The following NLRP9 variants were observed in gnomAD, a reference collection of about 807,000 sequenced individuals.
NLRP9 encodes NACHT, LRR and PYD domains-containing protein 9.
NLRP9 carries 88 observed loss-of-function variants against 83.1 expected under a neutral mutation model. That is an observed-to-expected ratio of 1.06 (90% CI 0.89 to 1.26). The LOEUF is 1.26. Among genes scored for constraint, NLRP9 ranks in the 50% most tolerant of loss-of-function variants. The probability of loss-of-function intolerance (pLI) is 0.00; values close to 1 mark genes in which losing one functional copy is unlikely to be tolerated. For missense variants in NLRP9, 1,308 were observed against 1,179.3 expected (o/e 1.11, Z -1.60); for synonymous variants, 521 against 447.6 (o/e 1.16, Z -2.07).
chr19:55,711,318 T>C (rs373010510), intron 8 of NLRP9: 1 of 970,256 alleles, frequency 1.0e-6, no homozygotes, highest in Non-Finnish European at 1.2e-6. Flanking sequence ...AAATTCATCC[T>C]ACAGATTTCA....
At chr19:55,736,975 CA>C (rs1988802134) in intron 1 of NLRP9, among the ~76,000 whole-genome samples, 1 of 151,578 alleles carries the variant, frequency 6.6e-6, no homozygotes, top group Non-Finnish European at 1.5e-5. Context: ...GAAACATGAA[CA>C]AAACAGAAGT....
chr19:55,731,540 A>G lies in NLRP9; in HGVS notation c.1832+459T>C, dbSNP rs193204312. On this transcript the variant is annotated intron_variant, in intron 2 of 8. Transcript: ENST00000332836. ...GGAGTTCAAGACCAGTCTGGCTAAC[A>G]TGGTGAAACCCTGTCTCTACCAAAA... Among the ~76,000 whole-genome samples the G allele has an allele frequency of 4.9e-3, 740 of 152,068 alleles. 5 individuals are homozygous for G. Among genetic ancestry groups the G allele is most frequent in the African/African-American group, 0.017 (716 of 41,426 alleles).
intron 3 of NLRP9, among the ~76,000 whole-genome samples, chr19:55,729,178 C>T (rs1988495176): frequency 6.6e-6 from 1 of 150,416 alleles, no homozygotes; most frequent in Admixed American, 6.7e-5. Context: ...TCATCCCTAA[C>T]CAGGACTGCT....
chr19:55,718,769 C>A (rs557190302), intron 4 of NLRP9, among the ~76,000 whole-genome samples: 3 of 152,210 alleles, frequency 2.0e-5, no homozygotes, highest in African/African-American at 7.2e-5. Context: ...AAGCGTCTGT[C>A]CCCTGGGCCC....
In NLRP9 at chr19:55,735,853, A is replaced by G. The variant is rs1988771583; in HGVS notation, c.280+2242T>C. Reference sequence around the variant, plus strand: ...CAGGCGTGCACCACCACGCCTGGGTAATTTTTGTATTTTTAGTAGATAGAG... The same window carrying G: ...CAGGCGTGCACCACCACGCCTGGGTGATTTTTGTATTTTTAGTAGATAGAG... On this transcript the variant is annotated intron_variant, in intron 1 of 8. Transcript: ENST00000332836. Among the ~76,000 whole-genome samples, 4 of 151,588 alleles carry G rather than the reference A, an allele frequency of 2.6e-5. No homozygotes were observed. The South Asian group carries it at 8.4e-4, about 32-fold the overall frequency.
At position 55,716,962 on chromosome 19, in the gene NLRP9, A is replaced by G. The variant is rs973671098; in HGVS notation, c.2160-64T>C. ...TTCAATCGCTCATGAAACATTATCC[A>G]CAGACCAAACGACACCTCTGATTCT... On this transcript the variant is annotated intron_variant, in intron 4 of 8. Coordinates refer to ENST00000332836, the MANE Select transcript of NLRP9 (RefSeq NM_176820.4). 4.2e-5 allele frequency: 57 copies of G among 1,342,060 alleles called. No homozygotes were observed. In the African/African-American group the frequency reaches 7.9e-4, roughly 19 times the overall value. 83.1% of individuals were successfully genotyped at this position (1,342,060 alleles called of 1,614,324 possible).
chr19:55,728,846 CA>C (rs1410446043), intron 3 of NLRP9, among the ~76,000 whole-genome samples: 1 of 152,074 alleles, frequency 6.6e-6, no homozygotes, highest in Non-Finnish European at 1.5e-5. Flanking sequence ...AGTTTGCTTA[CA>C]GGGGTGAAGA....
chr19:55,712,674 G>T lies in NLRP9; in HGVS notation c.2502-84C>A, dbSNP rs928358106. 1.3e-5 allele frequency: 16 copies of T among 1,207,848 alleles called. No individual in the cohort carries two copies. The Admixed American group carries it at 2.5e-4, about 19-fold the overall frequency. The allele number at this position is 1,207,848 out of a possible 1,614,324, so 74.8% of individuals were successfully genotyped here. A position where few individuals can be genotyped will look rare whatever the true frequency, so the allele number is the denominator to read the frequency against. On this transcript the variant is annotated intron_variant, in intron 6 of 8. Transcript: ENST00000332836. ...CCTTATTTTCATTTATTCATATGAC[G>T]CAAGAAATACCCAAGTAAATCTGAG...
At chr19:55,719,705 G>T (rs1035362905) in intron 4 of NLRP9, among the ~76,000 whole-genome samples, 1 of 152,156 alleles carries the variant, frequency 6.6e-6, no homozygotes, top group African/African-American at 2.4e-5. Flanking sequence ...AGAGGAAATG[G>T]GAGAGAAGAT....
rs1014810864 is a variant in NLRP9 at position 55,711,936 on chromosome 19, C to T, written c.2707G>A (p.Asp903Asn). The change falls in exon 8 of 9, where the codon GAC becomes AAC. Residue 903 changes from aspartate (D) to asparagine (N), a missense_variant. By Grantham distance (23) the Asp-to-Asn change is conservative. Transcript: ENST00000332836. Reference protein sequence around the residue: ...QTCPITRACCDDIAAALIACK... With the variant: ...QTCPITRACCNDIAAALIACK... ...GCGATGAGTGCTGCGGCGATGTCGT[C>T]GCAGCAGGCACGGGTGATCGGACAC... is the stretch of plus-strand genomic sequence containing the variant. 6.2e-6 allele frequency: 10 copies of T among 1,612,960 alleles called. No homozygotes were observed. Among genetic ancestry groups the T allele is most frequent in the African/African-American group, 2.7e-5 (2 of 74,902 alleles).
chr19:55,723,868 C>CA, intron 4 of NLRP9, 112 bp downstream of exon 4: 2 of 779,806 alleles, frequency 2.6e-6, no homozygotes, highest in Non-Finnish European at 4.1e-6. Flanking sequence ...AGATGAAAAA[C>CA]AAGAGAGATG....
intron 1 of NLRP9, among the ~76,000 whole-genome samples, chr19:55,735,555 C>T (rs762479956): frequency 4.6e-5 from 7 of 152,048 alleles, no homozygotes; most frequent in African/African-American, 9.7e-5. Context: ...TTCTTCTGCC[C>T]GATTTTTCTC....
At position 55,712,582 on chromosome 19, in the gene NLRP9, C is replaced by A. The variant is rs761604810; in HGVS notation, c.2510G>T (p.Gly837Val). 6.2e-7 allele frequency: 1 copy of A among 1,611,798 alleles called. No homozygotes were observed. Among genetic ancestry groups the A allele is most frequent in the Admixed American group, 1.7e-5 (1 of 59,860 alleles). Residue 837 changes from glycine to valine, a missense_variant, in exon 7 of 9, where the codon GGC (glycine) becomes GTC (valine). By Grantham distance (109) the Gly-to-Val change is moderately radical (BLOSUM62 -3). Coordinates refer to ENST00000332836, the MANE Select transcript of NLRP9 (RefSeq NM_176820.4). ...GCSIRELWLM[G>V]CFLTSDSCKD... ...ACAGGAATCGGAAGTAAGGAAACAG[C>A]CCATCAACCTGGGGAGGTGGAAGAC...
chr19:55,719,120 A>G (rs1471455137), intron 4 of NLRP9, among the ~76,000 whole-genome samples: 2 of 152,188 alleles, frequency 1.3e-5, no homozygotes, highest in African/African-American at 4.8e-5. Flanking sequence ...TGTTTGACCA[A>G]CCGGCTATAC....
At position 55,732,857 on chromosome 19, in the gene NLRP9, C is replaced by T. The variant is rs1159535283; in HGVS notation, c.974G>A (p.Arg325Lys). ...CAAGATAAACAGCGGCCCATTATCT[C>T]TCACAAAATTGAAGACTTTCAGGGC... ...SKALKVFNFVRDNGPLFILCH... is the reference protein window; with the variant it reads ...SKALKVFNFVKDNGPLFILCH... Residue 325 changes from arginine to lysine, a missense_variant, in exon 2 of 9, where the codon AGA (arginine) becomes AAA (lysine). Transcript: ENST00000332836. The T allele has an allele frequency of 6.2e-7, 1 of 1,614,036 alleles. No individual in the cohort carries two copies. Among genetic ancestry groups the T allele is most frequent in the East Asian group, 2.2e-5 (1 of 44,890 alleles).
chr19:55,718,624 C>G (rs183931451), intron 4 of NLRP9, among the ~76,000 whole-genome samples: 1 of 152,202 alleles, frequency 6.6e-6, no homozygotes, highest in Admixed American at 6.5e-5. Flanking sequence ...CAGATTCCTT[C>G]GCTCACATGT....
At chr19:55,733,985 G>T (rs111565558) in intron 1 of NLRP9, among the ~76,000 whole-genome samples, 3 of 144,108 alleles carry the variant, frequency 2.1e-5, no homozygotes, top group Admixed American at 7.0e-5. Flanking sequence ...TGCAGTGGCG[G>T]GATCTCGGCT....
At chr19:55,713,119 T>C (rs991640025) in intron 6 of NLRP9, among the ~76,000 whole-genome samples, 1 of 150,834 alleles carries the variant, frequency 6.6e-6, no homozygotes, top group Non-Finnish European at 1.5e-5. Flanking sequence ...TCTCCCTGGT[T>C]GAAATGCTCC....
intron 3 of NLRP9, among the ~76,000 whole-genome samples, chr19:55,726,706 G>C (rs1160639270): frequency 6.6e-6 from 1 of 152,158 alleles, no homozygotes; most frequent in Non-Finnish European, 1.5e-5. Flanking sequence ...TTCCATGTGA[G>C]TGATGGCAGT....
Sources: gnomAD v4.1 joint callset for allele counts (sites outside exome capture counted in the v4.1 genomes callset) on GRCh38, gnomAD v4.1.1 for gene constraint, MANE v1.5 for transcripts, NCBI Gene and HGNC (gene_info 2026-07-23, HGNC 2026-07-21) for gene names.